NRG2: variants seen among roughly 807,000 people sequenced by gnomAD.
NRG2 encodes the protein pro-neuregulin-2, membrane-bound isoform.
NRG2 carries 27 observed loss-of-function variants against 73.9 expected under a neutral mutation model. The ratio of observed to expected loss-of-function variants is 0.37; its 90% confidence interval spans 0.27 to 0.50. The LOEUF (loss-of-function observed/expected upper bound fraction) is 0.50. Ranked by LOEUF, NRG2 falls within the 20% of genes least tolerant of loss-of-function variation. The pLI is 0.96. For missense variants in NRG2, 1,126 were observed against 1,210.1 expected, an observed-to-expected ratio of 0.93 and a Z score of 1.03; for synonymous variants, 532 against 541.0, an observed-to-expected ratio of 0.98 and a Z score of 0.23.
At position 139,864,946 on chromosome 5, in the gene NRG2, G is replaced by A. The variant is rs148691470; in HGVS notation, c.1189+603C>T. 3.1e-3 allele frequency: 2,207 copies of A among 707,592 alleles called. 4 individuals carry two copies. The highest frequency in any genetic ancestry group is 5.8e-3 in the Admixed American group (288 of 49,862). 43.8% of individuals were successfully genotyped at this position (707,592 alleles called of 1,614,324 possible). On this transcript the variant is annotated intron_variant, in intron 5 of 9. Coordinates refer to ENST00000361474, the MANE Select transcript of NRG2 (RefSeq NM_004883.3). ...AACTTGGCATTACTGTGCCCAGGAG[G>A]TACAGCCCACATGTGGAGGTGGGGG...
At chr5:140,041,332 C>T (rs922790526) in intron 1 of NRG2, among the ~76,000 whole-genome samples, 3 of 152,160 alleles carry the variant, frequency 2.0e-5, no homozygotes, top group Admixed American at 1.3e-4. Context: ...CAGGCTTACA[C>T]CAAATACTCC....
At position 139,921,466 on chromosome 5, in the gene NRG2, A is replaced by G. The variant is rs1751655068; in HGVS notation, c.701-33955T>C. 2.0e-5 allele frequency among the ~76,000 whole-genome samples: 3 copies of G among 152,308 alleles called. No individual in the cohort carries two copies. In the Middle Eastern group the frequency reaches 0.01, roughly 518 times the overall value. On this transcript the variant is annotated intron_variant, in intron 1 of 9. Transcript: ENST00000361474. The stretch of plus-strand genomic sequence containing the variant: ...CATAAATATAGTCAACTGATCTTTG[A>G]CAAAGGAGCAAAGGCAATACAATGG...
At chr5:139,928,932 C>A (rs1267999580) in intron 1 of NRG2, among the ~76,000 whole-genome samples, 2 of 151,884 alleles carry the variant, frequency 1.3e-5, no homozygotes, top group Admixed American at 6.6e-5. Context: ...CTCTTCCCCT[C>A]TACTCATTCT....
At chr5:139,933,393 CTA>C (rs1752622928) in intron 1 of NRG2, among the ~76,000 whole-genome samples, 1 of 151,728 alleles carries the variant, frequency 6.6e-6, no homozygotes, top group East Asian at 1.9e-4. Context: ...AAAGTAAAAA[CTA>C]AAAGCAGAAG....
chr5:140,022,209 CT>C (rs1760292666), intron 1 of NRG2, among the ~76,000 whole-genome samples: 1 of 152,168 alleles, frequency 6.6e-6, no homozygotes, highest in African/African-American at 2.4e-5. Context: ...TTTATTCAAG[CT>C]TTTATGTCTA....
At chr5:139,938,579 G>A (rs1394184319) in intron 1 of NRG2, among the ~76,000 whole-genome samples, 1 of 151,834 alleles carries the variant, frequency 6.6e-6, no homozygotes, top group Non-Finnish European at 1.5e-5. Flanking sequence ...TTCCCAGGCT[G>A]GTCTTGAACT....
chr5:139,885,069 T>A (rs1763777872), intron 2 of NRG2, among the ~76,000 whole-genome samples: 1 of 151,986 alleles, frequency 6.6e-6, no homozygotes, highest in Non-Finnish European at 1.5e-5. Flanking sequence ...ATCAGAAATG[T>A]CTGTGAGGCA....
intron 5 of NRG2, among the ~76,000 whole-genome samples, chr5:139,864,385 C>CT (rs954495131): frequency 0.079 from 10,584 of 134,512 alleles, 533 homozygotes; most frequent in African/African-American, 0.15. Context: ...TCTTCTTCTT[C>CT]TTTTTTTTTT....
intron 4 of NRG2, among the ~76,000 whole-genome samples, chr5:139,867,805 T>TGTGTATGA (rs1762579373): frequency 1.6e-5 from 2 of 127,166 alleles, no homozygotes; most frequent in African/African-American, 5.9e-5. Flanking sequence ...TGTATGAGTG[T>TGTGTATGA]GTGTGTGTGT....
chr5:139,848,450 AGCTGC>A lies in NRG2; in HGVS notation c.2015_2019del (p.Arg672LeufsTer2). Reference sequence around the variant, plus strand: ...GCCGCGGGGTAATAGTAGCTGTCATAGCTGCGCTGCATGTCTGCGCCGGGCCCGGG... The same window carrying A: ...GCCGCGGGGTAATAGTAGCTGTCATAGCTGCATGTCTGCGCCGGGCCCGGG... On this transcript the variant is annotated frameshift_variant, in exon 10 of 10. Coordinates refer to ENST00000361474, the MANE Select transcript of NRG2 (RefSeq NM_004883.3). LOFTEE classifies it high-confidence loss of function. The A allele has an allele frequency of 7.5e-7, 1 of 1,330,016 alleles. No individual in the cohort carries two copies. The highest frequency in any genetic ancestry group is 2.1e-5 in the South Asian group (1 of 48,484). 82.4% of individuals were successfully genotyped at this position (1,330,016 alleles called of 1,614,324 possible).
At chr5:139,933,106 C>A (rs1752600239) in intron 1 of NRG2, among the ~76,000 whole-genome samples, 1 of 152,072 alleles carries the variant, frequency 6.6e-6, no homozygotes, top group African/African-American at 2.4e-5. Context: ...GAAACCCTGT[C>A]TCTACTAAAA....
chr5:140,006,812 T>C (rs1758939884), intron 1 of NRG2, among the ~76,000 whole-genome samples: 1 of 152,234 alleles, frequency 6.6e-6, no homozygotes, highest in Non-Finnish European at 1.5e-5. Context: ...GTTTCTTCTA[T>C]ATTTTCTCCA....
chr5:139,930,858 T>C (rs1752421780), intron 1 of NRG2, among the ~76,000 whole-genome samples: 1 of 152,200 alleles, frequency 6.6e-6, no homozygotes, highest in African/African-American at 2.4e-5. Context: ...CAGGGAACAT[T>C]GGGCCACCAG....
At chr5:139,934,558 A>G (rs1017038478) in intron 1 of NRG2, among the ~76,000 whole-genome samples, 3 of 152,236 alleles carry the variant, frequency 2.0e-5, no homozygotes, top group African/African-American at 7.2e-5. Flanking sequence ...CGAAAAAGAA[A>G]AAAACAAAGA....
intron 1 of NRG2, among the ~76,000 whole-genome samples, chr5:139,895,193 C>A (rs1276275898): frequency 6.6e-6 from 1 of 152,256 alleles, no homozygotes; most frequent in Admixed American, 6.5e-5. Context: ...CCACCCACAG[C>A]CCCCTCTGCC....
At chr5:139,977,838 T>C (rs1009565553) in intron 1 of NRG2, among the ~76,000 whole-genome samples, 20 of 152,156 alleles carry the variant, frequency 1.3e-4, no homozygotes, top group Admixed American at 3.9e-4. Context: ...AAACAAGAAA[T>C]GGGGAAAGGA....
intron 9 of NRG2, among the ~76,000 whole-genome samples, chr5:139,850,381 G>A (rs924578415): frequency 4.7e-4 from 71 of 152,338 alleles, no homozygotes; most frequent in African/African-American, 1.6e-3. Context: ...CCTACAGTCA[G>A]ACTGGGTCTC....
chr5:139,865,303 C>T lies in NRG2; in HGVS notation c.1189+246G>A. ...ACCGTTACCATTTGTATTGGCCTTGCCACTCTGCCCCTTACCTGCAGCCCT... is the reference window on the plus strand; with the variant it reads ...ACCGTTACCATTTGTATTGGCCTTGTCACTCTGCCCCTTACCTGCAGCCCT... On this transcript the variant is annotated intron_variant, in intron 5 of 9. Transcript: ENST00000361474. This position sits in a 1 kb window ranked among gnomAD's most constrained non-coding sequence, Gnocchi z 5.2. The T allele has an allele frequency of 1.2e-6, 1 of 807,416 alleles. No individual in the cohort carries two copies. The highest frequency in any genetic ancestry group is 2.6e-5 in the East Asian group (1 of 38,420). 50.0% of individuals were successfully genotyped at this position (807,416 alleles called of 1,614,324 possible).
Position 139,846,884 on chromosome 5 carries a change from A to AT in NRG2, c.*1032dup, listed in dbSNP as rs760757575. ...GGATTCCCATCTGTTTCTGTTTGGG[A>AT]TTTTTTTTTTTTTTAAACAATTACC... On this transcript the variant is annotated 3_prime_UTR_variant, in exon 10 of 10. Transcript: ENST00000361474. 375 of 144,484 alleles carry AT rather than the reference A, an allele frequency of 2.6e-3. No homozygotes were observed. The highest frequency in any genetic ancestry group is 4.1e-3 in the African/African-American group (161 of 39,740). 9.0% of individuals were successfully genotyped at this position (144,484 alleles called of 1,614,324 possible).
Sources: allele counts gnomAD v4.1 joint callset (sites outside exome capture counted in the v4.1 genomes callset), GRCh38; gene constraint gnomAD v4.1.1; non-coding constraint Gnocchi (gnomAD v3.1); transcripts MANE v1.5; gene names NCBI Gene and HGNC (gene_info 2026-07-23, HGNC 2026-07-21).